ADCY8: variants seen among roughly 807,000 people sequenced by gnomAD.
ADCY8 encodes the protein adenylate cyclase type 8.
In ADCY8, 51 loss-of-function variants were observed where a neutral mutation model predicts 119.7. That is an observed-to-expected ratio of 0.43 (90% CI 0.34 to 0.54). The LOEUF is 0.54. Among genes scored for constraint, ADCY8 ranks in the 20% least tolerant of loss-of-function variants. The pLI, the probability that ADCY8 is intolerant of heterozygous loss-of-function variation, is 0.03. For synonymous variants in ADCY8, 665 were observed against 651.0 expected, an observed-to-expected ratio of 1.02 and a Z score of -0.33; for missense variants, 1,383 against 1,598.8, an observed-to-expected ratio of 0.87 and a Z score of 2.30.
rs951146451 is a variant in ADCY8 at position 130,994,454 on chromosome 8, T to C, written c.961-3912A>G. Among the ~76,000 whole-genome samples the C allele has an allele frequency of 2.6e-5, 4 of 152,382 alleles. No homozygotes were observed. In the South Asian group the frequency reaches 8.3e-4, roughly 32 times the overall value. On this transcript the variant is annotated intron_variant, in intron 1 of 17. Coordinates refer to ENST00000286355, the MANE Select transcript of ADCY8 (RefSeq NM_001115.3). ...CATGTTGCTCTGATAGGGGTTCTTT[T>C]GTAACTGATATCTTATCCTTTTTAG... is the stretch of plus-strand genomic sequence containing the variant.
At chr8:130,934,452 G>A (rs535744589) in intron 5 of ADCY8, among the ~76,000 whole-genome samples, 12 of 152,058 alleles carry the variant, frequency 7.9e-5, no homozygotes, top group Non-Finnish European at 1.5e-4. Context: ...CAACAGCAAT[G>A]GGGAAATCCA....
intron 5 of ADCY8, among the ~76,000 whole-genome samples, chr8:130,925,702 G>A (rs1218737993): frequency 6.6e-6 from 1 of 152,122 alleles, no homozygotes; most frequent in African/African-American, 2.4e-5. Flanking sequence ...TGGAATTCTT[G>A]GAGTAGTCAA....
intron 1 of ADCY8, among the ~76,000 whole-genome samples, chr8:130,997,949 AT>A (rs774627628): frequency 2.0e-5 from 3 of 152,052 alleles, no homozygotes; most frequent in Non-Finnish European, 4.4e-5. Flanking sequence ...TTTATTAATC[AT>A]TTTTTCCTGC....
chr8:131,013,680 T>C (rs1823381128), intron 1 of ADCY8, among the ~76,000 whole-genome samples: 1 of 152,188 alleles, frequency 6.6e-6, no homozygotes, highest in Non-Finnish European at 1.5e-5. Context: ...TGTAATGTGA[T>C]GGTTACTATG....
At chr8:131,018,417 T>C (rs79837870) in intron 1 of ADCY8, among the ~76,000 whole-genome samples, 6,058 of 152,290 alleles carry the variant, frequency 0.04, 430 homozygotes, top group African/African-American at 0.14. Flanking sequence ...AACTTTTTCA[T>C]AGGTTGGCCA....
At chr8:130,899,399 A>C (rs955654866) in intron 7 of ADCY8, among the ~76,000 whole-genome samples, 2 of 152,200 alleles carry the variant, frequency 1.3e-5, no homozygotes, top group African/African-American at 4.8e-5. Context: ...TGAGGTCAGG[A>C]GTTCGTGACC....
chr8:130,821,279 G>T, intron 13 of ADCY8, 63 bp downstream of exon 13: 1 of 1,404,308 alleles, frequency 7.1e-7, no homozygotes, highest in Non-Finnish European at 1.0e-6. Flanking sequence ...AGCAGCAGAG[G>T]CCAGTTTGAT....
Position 130,839,390 on chromosome 8 carries a change from G to T in ADCY8, c.2503-2941C>A, listed in dbSNP as rs143813754. 1.3e-3 allele frequency among the ~76,000 whole-genome samples: 177 copies of T among 139,478 alleles called. 6 individuals carry two copies. The highest frequency in any genetic ancestry group is 4.2e-3 in the African/African-American group (170 of 40,890). 91.5% of individuals were successfully genotyped at this position (139,478 alleles called of 152,430 possible). The stretch of plus-strand genomic sequence containing the variant: ...TAACTTTTTACTTTAAAGTAGAAAG[G>T]TGAACCTTTTGGAGGTGATATGAAC... On this transcript the variant is annotated intron_variant, in intron 11 of 17. Coordinates refer to ENST00000286355, the MANE Select transcript of ADCY8 (RefSeq NM_001115.3).
intron 12 of ADCY8, among the ~76,000 whole-genome samples, chr8:130,830,761 A>G (rs557393360): frequency 6.6e-6 from 1 of 152,354 alleles, no homozygotes; most frequent in Admixed American, 6.5e-5. Flanking sequence ...AGGTGCTGTT[A>G]GGACCAGCAA....
At chr8:130,998,244 C>T (rs529148364) in intron 1 of ADCY8, among the ~76,000 whole-genome samples, 1 of 152,072 alleles carries the variant, frequency 6.6e-6, no homozygotes, top group Non-Finnish European at 1.5e-5. Flanking sequence ...AAAGTGATGG[C>T]ACAGGAATAA....
At chr8:131,020,755 T>C (rs946737472) in intron 1 of ADCY8, among the ~76,000 whole-genome samples, 11 of 152,126 alleles carry the variant, frequency 7.2e-5, no homozygotes, top group African/African-American at 2.7e-4. Flanking sequence ...TGGCTTCTGC[T>C]AAGCACCCTC....
intron 15 of ADCY8, among the ~76,000 whole-genome samples, chr8:130,798,757 G>T (rs1020622696): frequency 6.6e-6 from 1 of 152,090 alleles, no homozygotes. Context: ...GAAAAAGGCA[G>T]GTGTGAGAGC....
At position 131,039,605 on chromosome 8, in the gene ADCY8, C is replaced by T; in HGVS notation, c.729G>A (p.Gln243=). The T allele has an allele frequency of 6.2e-7, 1 of 1,614,104 alleles. No individual in the cohort carries two copies. Among genetic ancestry groups the T allele is most frequent in the Non-Finnish European group, 8.5e-7 (1 of 1,180,026 alleles). ...RKDTTSHTYL[Q]YSGVVTWVAM... is the part of the protein sequence containing the mutation. Reference sequence around the variant, plus strand: ...CCACCCAGGTGACCACGCCGCTGTACTGCAGGTACGTGTGGGAGGTGGTGT... The same window carrying T: ...CCACCCAGGTGACCACGCCGCTGTATTGCAGGTACGTGTGGGAGGTGGTGT... Residue 243 remains glutamine (Q), a synonymous_variant, in exon 1 of 18, where the codon CAG becomes CAA. Coordinates refer to ENST00000286355, the MANE Select transcript of ADCY8 (RefSeq NM_001115.3).
chr8:130,964,507 A>G (rs1347657153), intron 2 of ADCY8, among the ~76,000 whole-genome samples: 1 of 152,248 alleles, frequency 6.6e-6, no homozygotes, highest in African/African-American at 2.4e-5. Context: ...TGATAATGAA[A>G]TCAAATACTT....
At chr8:130,905,196 A>T (rs987034165) in intron 6 of ADCY8, among the ~76,000 whole-genome samples, 1 of 152,222 alleles carries the variant, frequency 6.6e-6, no homozygotes, top group Non-Finnish European at 1.5e-5. Context: ...AGAGTATTCT[A>T]AAAAATGCCA....
chr8:130,917,857 C>T (rs1462102747), intron 5 of ADCY8, among the ~76,000 whole-genome samples: 1 of 151,638 alleles, frequency 6.6e-6, no homozygotes, highest in African/African-American at 2.4e-5. Flanking sequence ...TCAAGATGCC[C>T]CTTATTGTAT....
intron 7 of ADCY8, among the ~76,000 whole-genome samples, chr8:130,901,813 G>T (rs1284915816): frequency 6.6e-6 from 1 of 151,984 alleles, no homozygotes; most frequent in Non-Finnish European, 1.5e-5. Context: ...GGCACAGATG[G>T]GTTACATCCA....
intron 14 of ADCY8, among the ~76,000 whole-genome samples, chr8:130,809,408 G>T (rs995853351): frequency 5.3e-5 from 8 of 152,152 alleles, no homozygotes; most frequent in African/African-American, 1.7e-4. Flanking sequence ...TTCAAGACTT[G>T]TCTCTTTGTA....
intron 6 of ADCY8, among the ~76,000 whole-genome samples, chr8:130,904,686 T>C (rs1430772461): frequency 1.3e-5 from 2 of 152,190 alleles, no homozygotes; most frequent in Non-Finnish European, 2.9e-5. Context: ...GGCTGGCAGC[T>C]GGCTGGGCTC....
Sources: gnomAD v4.1 joint callset for allele counts (sites outside exome capture counted in the v4.1 genomes callset) on GRCh38, gnomAD v4.1.1 for gene constraint, MANE v1.5 for transcripts, NCBI Gene and HGNC (gene_info 2026-07-23, HGNC 2026-07-21) for gene names.